TMEM184B: variants seen among roughly 807,000 people sequenced by gnomAD.
TMEM184B encodes transmembrane protein 184B.
A neutral mutation model predicts 41.8 loss-of-function variants in TMEM184B; 17 were observed. The ratio of observed to expected loss-of-function variants is 0.41; its 90% confidence interval spans 0.28 to 0.61. The LOEUF is 0.61. Among genes scored for constraint, TMEM184B ranks in the 20% least tolerant of loss-of-function variants. The pLI is 0.34. For missense variants in TMEM184B, 393 were observed against 557.8 expected, an observed-to-expected ratio of 0.70 and a Z score of 2.98; for synonymous variants, 240 against 229.5, an observed-to-expected ratio of 1.05 and a Z score of -0.41.
Position 38,219,814 on chromosome 22 carries a change from C to T in TMEM184B, c.*1655G>A. 1 of 985,498 alleles carries T rather than the reference C, an allele frequency of 1.0e-6. No individual in the cohort carries two copies. The highest frequency in any genetic ancestry group is 1.2e-6 in the Non-Finnish European group (1 of 829,976). 61.0% of individuals were successfully genotyped at this position (985,498 alleles called of 1,614,324 possible). ...CTGGTCCTCAGCCTGTGTCTGCACC[C>T]ACCCTCCCGGGCAGCTTGGGCCCAA... is the stretch of plus-strand genomic sequence containing the variant. On this transcript the variant is annotated 3_prime_UTR_variant, in exon 9 of 9. Transcript: ENST00000361906.
chr22:38,224,614 T>A (rs1208933782), intron 8 of TMEM184B, among the ~76,000 whole-genome samples, 171 bp downstream of exon 8: 1 of 152,222 alleles, frequency 6.6e-6, no homozygotes, highest in African/African-American at 2.4e-5. Flanking sequence ...TCGGTCGTGC[T>A]GGTGGCACCT....
In TMEM184B at chr22:38,240,528, G is replaced by A. The variant is rs1174731843; in HGVS notation, c.358+5407C>T. On this transcript the variant is annotated intron_variant, in intron 3 of 8. Coordinates refer to ENST00000361906, the MANE Select transcript of TMEM184B (RefSeq NM_012264.5). ...TCCTACTAGCAGGAATTCCAGAAAG[G>A]GAGATTGGAAGAAAGTGGAGGGGAA... 4.6e-5 allele frequency among the ~76,000 whole-genome samples: 7 copies of A among 152,134 alleles called. No homozygotes were observed. The East Asian group carries it at 1.4e-3, about 29-fold the overall frequency.
chr22:38,244,468 T>G (rs2091980684), intron 3 of TMEM184B, among the ~76,000 whole-genome samples: 1 of 151,896 alleles, frequency 6.6e-6, no homozygotes. Context: ...GTCTTTTTTT[T>G]TTTTTGAGAC....
rs183518665 is a variant in TMEM184B at position 38,266,163 on chromosome 22, A to C, written c.-59+6721T>G. On this transcript the variant is annotated intron_variant, in intron 1 of 8. Transcript: ENST00000361906. ...CTGGGACTGCCCATGACCCGCAGGT[A>C]AAGGGTCTGTGGATCCTGGCTTCCC... is the stretch of plus-strand genomic sequence containing the variant. 3.0e-4 allele frequency among the ~76,000 whole-genome samples: 46 copies of C among 152,294 alleles called. 1 individual carries two copies. The highest frequency in any genetic ancestry group is 1.1e-3 in the African/African-American group (45 of 41,572).
chr22:38,255,025 T>A (rs1329992089), intron 1 of TMEM184B, among the ~76,000 whole-genome samples: 2 of 151,726 alleles, frequency 1.3e-5, no homozygotes, highest in Non-Finnish European at 2.9e-5. Context: ...TAATTTTTTT[T>A]ATTTATTTAT....
At chr22:38,258,925 G>A (rs919465888) in intron 1 of TMEM184B, among the ~76,000 whole-genome samples, 1 of 152,140 alleles carries the variant, frequency 6.6e-6, no homozygotes, top group African/African-American at 2.4e-5. Flanking sequence ...GACATCCAGT[G>A]TCGTTTATTT....
Position 38,265,319 on chromosome 22 carries a change from C to T in TMEM184B, c.-59+7565G>A, listed in dbSNP as rs531186452. Among the ~76,000 whole-genome samples the T allele has an allele frequency of 1.1e-4, 17 of 152,314 alleles. No homozygotes were observed. In the South Asian group the frequency reaches 3.3e-3, roughly 30 times the overall value. The stretch of plus-strand genomic sequence containing the variant: ...TCCTCAGCTCACCCCCAGGCAGAGC[C>T]GACTGCTGCCTCCTGGAACCCCCAT... On this transcript the variant is annotated intron_variant, in intron 1 of 8. Coordinates refer to ENST00000361906, the MANE Select transcript of TMEM184B (RefSeq NM_012264.5).
chr22:38,244,758 A>G (rs2091987165), intron 3 of TMEM184B, among the ~76,000 whole-genome samples: 1 of 152,174 alleles, frequency 6.6e-6, no homozygotes, highest in African/African-American at 2.4e-5. Context: ...ACCCAGCCCA[A>G]TGCAGGGGTC....
intron 8 of TMEM184B, chr22:38,222,757 TGTGTGCCCACCACCGAGG>T: frequency 2.1e-6 from 2 of 971,206 alleles, no homozygotes; most frequent in Non-Finnish European, 2.4e-6. Flanking sequence ...GAGTGAACAA[TGTGTGCCCACCACCGAGG>T]CCCACCAGCA....
At chr22:38,267,738 C>T (rs1026701237) in intron 1 of TMEM184B, among the ~76,000 whole-genome samples, 1 of 152,042 alleles carries the variant, frequency 6.6e-6, no homozygotes, top group Non-Finnish European at 1.5e-5. Flanking sequence ...TAGCCATATC[C>T]GTCATTTTTC....
Position 38,246,094 on chromosome 22 carries a change from T to C in TMEM184B, c.199A>G (p.Met67Val). The change falls in exon 3 of 9, where the codon ATG (methionine) becomes GTG (valine). Residue 67 changes from methionine (M) to valine (V), a missense_variant. By Grantham distance (21) the Met-to-Val change is conservative. This residue lies in a region of TMEM184B where 122 missense variants were observed against 123.7 expected (regional missense o/e 0.99). Transcript: ENST00000361906. Reference sequence around the variant, plus strand: ...GGGCAGCTGTAGCAGCGCAGGTGCATGTAGATCTGGGGGCAGAGGTGTGGG... The same window carrying C: ...GGGCAGCTGTAGCAGCGCAGGTGCACGTAGATCTGGGGGCAGAGGTGTGGG... Reference protein sequence around the residue: ...ALLITCHQIYMHLRCYSCPNE... With the variant: ...ALLITCHQIYVHLRCYSCPNE... 6.2e-7 allele frequency: 1 copy of C among 1,610,136 alleles called. No individual in the cohort carries two copies. Among genetic ancestry groups the C allele is most frequent in the Non-Finnish European group, 8.5e-7 (1 of 1,179,916 alleles).
intron 1 of TMEM184B, among the ~76,000 whole-genome samples, chr22:38,270,327 C>T (rs1380932305): frequency 6.6e-6 from 1 of 152,202 alleles, no homozygotes; most frequent in Non-Finnish European, 1.5e-5. Context: ...CTGCTGCCTC[C>T]CCTACAAAAT....
intron 1 of TMEM184B, 43 bp from the exon 2 acceptor site, chr22:38,248,062 G>A: frequency 6.8e-7 from 1 of 1,466,522 alleles, no homozygotes. Flanking sequence ...CCCAGGGCAA[G>A]TGGCAGCATT....
At position 38,225,527 on chromosome 22, in the gene TMEM184B, G is replaced by A; in HGVS notation, c.684C>T (p.Ala228=). 6.9e-6 allele frequency: 11 copies of A among 1,605,528 alleles called. No homozygotes were observed. Among genetic ancestry groups the A allele is most frequent in the Non-Finnish European group, 9.3e-6 (11 of 1,176,788 alleles). ...YNISVSLALY[A]LFLFYFATRE... ...GGGTGGCGAAGTAGAAGAGGAAGAG[G>A]GCGTAGAGGGCCAGGCTGACGGAGA... The change falls in exon 7 of 9, where the codon GCC becomes GCT. Residue 228 remains alanine (A), a synonymous_variant. Transcript: ENST00000361906. The surrounding 1 kb of genome is among the most constrained non-coding windows in gnomAD (Gnocchi z 4.4).
At chr22:38,269,430 G>T (rs2092489567) in intron 1 of TMEM184B, among the ~76,000 whole-genome samples, 1 of 152,120 alleles carries the variant, frequency 6.6e-6, no homozygotes, top group Non-Finnish European at 1.5e-5. Context: ...TGGCCAGGCT[G>T]GTCTCAAATT....
At chr22:38,248,403 C>G (rs1602447300) in intron 1 of TMEM184B, among the ~76,000 whole-genome samples, 1 of 152,272 alleles carries the variant, frequency 6.6e-6, no homozygotes, top group Non-Finnish European at 1.5e-5. Flanking sequence ...CCATCCTCAG[C>G]TGCAGCCACG....
In TMEM184B at chr22:38,224,864, C is replaced by T. The variant is rs2091381505; in HGVS notation, c.903G>A (p.Val301=). ...AAGYQDFIIC[V]EMFFAALALR... Reference sequence around the variant, plus strand: ...GGGCCAGGGCTGCAAAGAACATCTCCACACAGATGATGAAGTCCTGGTAGC... The same window carrying T: ...GGGCCAGGGCTGCAAAGAACATCTCTACACAGATGATGAAGTCCTGGTAGC... Residue 301 remains valine, a synonymous_variant, in exon 8 of 9, where the codon GTG becomes GTA. Transcript: ENST00000361906. 5 of 1,613,922 alleles carry T rather than the reference C, an allele frequency of 3.1e-6. No homozygotes were observed. Among genetic ancestry groups the T allele is most frequent in the Non-Finnish European group, 4.2e-6 (5 of 1,180,012 alleles).
In TMEM184B at chr22:38,220,530, T is replaced by G. The variant is rs1569006478; in HGVS notation, c.*939A>C. The G allele has an allele frequency of 1.0e-6, 1 of 985,792 alleles. No individual in the cohort carries two copies. Among genetic ancestry groups the G allele is most frequent in the Non-Finnish European group, 1.2e-6 (1 of 830,040 alleles). The allele number at this position is 985,792 out of a possible 1,614,324, so 61.1% of individuals were successfully genotyped here. On this transcript the variant is annotated 3_prime_UTR_variant, in exon 9 of 9. Transcript: ENST00000361906. ...CTCCCGGTCTCCCTGCCGGACTGCC[T>G]TCCCCCAGAAGCTGGTCTGAAACGT...
intron 3 of TMEM184B, among the ~76,000 whole-genome samples, chr22:38,241,126 G>A (rs1354851143): frequency 6.6e-6 from 1 of 152,164 alleles, no homozygotes; most frequent in East Asian, 1.9e-4. Context: ...CAACAGCTGA[G>A]CAGCGGGAGC....
Sources: allele counts gnomAD v4.1 joint callset (sites outside exome capture counted in the v4.1 genomes callset), GRCh38; gene constraint gnomAD v4.1.1; regional missense constraint gnomAD v4.1.1; non-coding constraint Gnocchi (gnomAD v3.1); transcripts MANE v1.5; gene names NCBI Gene and HGNC (gene_info 2026-07-23, HGNC 2026-07-21).